Variants in KLRG1 observed in about 807,000 individuals in gnomAD.
KLRG1 encodes the protein killer cell lectin like receptor G1, also known as killer cell lectin-like receptor subfamily G member 1.
A neutral mutation model predicts 21.8 loss-of-function variants in KLRG1; 16 were observed. That is an observed-to-expected ratio of 0.73 (90% CI 0.50 to 1.11). The LOEUF is 1.11. Among genes scored for constraint, KLRG1 ranks in the 50% most tolerant of loss-of-function variants. The pLI is 0.00. For synonymous variants in KLRG1, 69 were observed against 75.9 expected (o/e 0.91, Z 0.47); for missense variants, 173 against 218.3 (o/e 0.79, Z 1.31).
the KLRG1 span, among the ~76,000 whole-genome samples, chr12:9,041,686 C>T: frequency 6.6e-6 from 1 of 152,118 alleles, no homozygotes; most frequent in Non-Finnish European, 1.5e-5. Context: ...GTAGAGAGGA[C>T]CTAAGTCTAT....
chr12:9,135,564 C>A, the KLRG1 span: 2 of 340,124 alleles, frequency 5.9e-6, no homozygotes, highest in East Asian at 9.6e-5. Context: ...CCAGCCCTTC[C>A]AAAAACTACA....
chr12:9,153,403 C>A, the KLRG1 span: 1 of 1,441,766 alleles, frequency 6.9e-7, no homozygotes, highest in Non-Finnish European at 9.7e-7. Flanking sequence ...TGGGATTTTC[C>A]CCCAAAGTCT....
chr12:9,184,794 G>A, the KLRG1 span, among the ~76,000 whole-genome samples: 1 of 152,182 alleles, frequency 6.6e-6, no homozygotes, highest in Non-Finnish European at 1.5e-5. Context: ...CAATCCAGGA[G>A]TCCTGAACTG....
chr12:9,149,621 T>C, the KLRG1 span: 5 of 1,611,536 alleles, frequency 3.1e-6, no homozygotes, highest in East Asian at 1.1e-4. Flanking sequence ...TAACGTTGGG[T>C]GAAGGAAGAA....
chr12:9,122,262 A>G, the KLRG1 span, among the ~76,000 whole-genome samples: 1 of 152,232 alleles, frequency 6.6e-6, no homozygotes. Flanking sequence ...TTTGATGAAC[A>G]GAAAATAAGT....
At chr12:9,104,902 A>G in the KLRG1 span, among the ~76,000 whole-genome samples, 1 of 152,194 alleles carries the variant, frequency 6.6e-6, no homozygotes, top group Non-Finnish European at 1.5e-5. Flanking sequence ...TAAGTGCACA[A>G]GTAAACAATT....
the KLRG1 span, chr12:9,153,187 A>T: frequency 1.9e-6 from 3 of 1,614,054 alleles, no homozygotes; most frequent in Admixed American, 3.3e-5. Context: ...AGCTCTGGCA[A>T]TGAGATCTGC....
chr12:8,984,937 T>A (rs1223509492), upstream of KLRG1, among the ~76,000 whole-genome samples: 1 of 152,248 alleles, frequency 6.6e-6, no homozygotes, highest in Non-Finnish European at 1.5e-5. Flanking sequence ...GAAATGTTTT[T>A]AAGATAGCAC....
the KLRG1 span, chr12:9,115,864 G>A: frequency 2.5e-6 from 4 of 1,605,710 alleles, no homozygotes; most frequent in African/African-American, 5.4e-5. Context: ...CAGAAAGAAG[G>A]AGCTGGAGGA....
At chr12:9,139,907 A>G in the KLRG1 span, among the ~76,000 whole-genome samples, 1 of 152,158 alleles carries the variant, frequency 6.6e-6, no homozygotes, top group Non-Finnish European at 1.5e-5. Flanking sequence ...GTTTTAGGGT[A>G]AGAGAGCTTA....
At chr12:9,091,547 A>T in the KLRG1 span, 1 of 1,001,172 alleles carries the variant, frequency 1.0e-6, no homozygotes, top group South Asian at 1.7e-5. Context: ...TAGAAATACC[A>T]ATAATGGAGA....
At chr12:9,094,886 G>T in the KLRG1 span, 2 of 646,586 alleles carry the variant, frequency 3.1e-6, no homozygotes, top group Admixed American at 3.5e-5. Context: ...CTTTTTGTTT[G>T]TTAATTTTTG....
At chr12:9,054,300 A>G in the KLRG1 span, among the ~76,000 whole-genome samples, 1 of 152,214 alleles carries the variant, frequency 6.6e-6, no homozygotes, top group African/African-American at 2.4e-5. Context: ...GATCAGATAT[A>G]TGCTGTAGAA....
At chr12:9,003,947 T>C (rs1389451989) in intron 3 of KLRG1, among the ~76,000 whole-genome samples, 1 of 150,476 alleles carries the variant, frequency 6.6e-6, no homozygotes, top group Non-Finnish European at 1.5e-5. Flanking sequence ...AGTGAGAACA[T>C]GCGGTGTTTG....
the KLRG1 span, chr12:9,168,906 G>A: frequency 5.6e-6 from 9 of 1,614,008 alleles, no homozygotes; most frequent in African/African-American, 2.7e-5. Flanking sequence ...CTGCAGACAC[G>A]GAAGGGATGA....
the KLRG1 span, chr12:9,169,400 C>G: frequency 6.5e-7 from 1 of 1,531,666 alleles, no homozygotes; most frequent in Non-Finnish European, 8.9e-7. Flanking sequence ...ACTCACAAGC[C>G]AGCATGTTAA....
the KLRG1 span, chr12:9,164,117 G>C: frequency 6.2e-7 from 1 of 1,606,346 alleles, no homozygotes; most frequent in Non-Finnish European, 8.5e-7. Flanking sequence ...AGGCCCTTTT[G>C]GGTACTGTCA....
At chr12:8,986,909 G>A (rs1351589194), upstream of KLRG1, among the ~76,000 whole-genome samples, 2 of 152,032 alleles carry the variant, frequency 1.3e-5, no homozygotes, top group African/African-American at 2.4e-5. Flanking sequence ...ACACCTCCCC[G>A]CGTCTCTCTT....
the KLRG1 span, among the ~76,000 whole-genome samples, chr12:9,052,095 G>A: frequency 6.6e-5 from 10 of 152,190 alleles, no homozygotes; most frequent in East Asian, 1.2e-3. Context: ...ATATAAGAGC[G>A]TCTGCAGGCA....
Sources: allele counts gnomAD v4.1 joint callset (sites outside exome capture counted in the v4.1 genomes callset), GRCh38; gene constraint gnomAD v4.1.1; transcripts MANE v1.5; gene names NCBI Gene and HGNC (gene_info 2026-07-23, HGNC 2026-07-21).